PLCG2: variants seen among roughly 807,000 people sequenced by gnomAD.
PLCG2 encodes the protein phospholipase C gamma 2, also known as 1-phosphatidylinositol 4,5-bisphosphate phosphodiesterase gamma-2.
Under a neutral mutation model 175.6 loss-of-function variants are expected in PLCG2, and 69 were observed. The observed-to-expected ratio is 0.39, with a 90% CI of 0.32 to 0.48. The LOEUF (loss-of-function observed/expected upper bound fraction) is 0.48, where lower values mean the gene tolerates loss of function less well. Among genes scored for constraint, PLCG2 ranks in the 20% least tolerant of loss-of-function variants. PLCG2 has a pLI of 0.91. For synonymous variants in PLCG2, 827 were observed against 624.0 expected, an observed-to-expected ratio of 1.33 and a Z score of -4.85; for missense variants, 1,798 against 1,650.9, an observed-to-expected ratio of 1.09 and a Z score of -1.54.
At chr16:81,891,451 C>G in intron 10 of PLCG2, 21 bp from the exon 11 acceptor site, 8 of 1,295,688 alleles carry the variant, frequency 6.2e-6, no homozygotes, top group Non-Finnish European at 9.0e-6. Context: ...ATGATTCGGT[C>G]TTCGTGTTTG....
chr16:81,851,549 G>T (rs965005092), intron 2 of PLCG2, among the ~76,000 whole-genome samples: 2 of 152,100 alleles, frequency 1.3e-5, no homozygotes, highest in Non-Finnish European at 2.9e-5. Flanking sequence ...GTCTCACTCT[G>T]TCACCCAGGC....
intron 12 of PLCG2, among the ~76,000 whole-genome samples, chr16:81,895,388 G>T (rs1046847907): frequency 6.6e-6 from 1 of 152,142 alleles, no homozygotes; most frequent in Non-Finnish European, 1.5e-5. Context: ...GTGCAACCCT[G>T]TCTCTACTAA....
intron 10 of PLCG2, chr16:81,889,522 C>T (rs975042645): frequency 5.9e-6 from 2 of 338,776 alleles, no homozygotes. Context: ...TTGATCAAGG[C>T]AGGGGAATTG....
At chr16:81,943,926 T>C (rs1911052914) in intron 30 of PLCG2, among the ~76,000 whole-genome samples, 1 of 152,200 alleles carries the variant, frequency 6.6e-6, no homozygotes. Context: ...AATCAAAGGA[T>C]GGATGCTCTC....
At chr16:81,746,426 G>T (rs1265126861) in intron 1 of PLCG2, among the ~76,000 whole-genome samples, 2 of 152,204 alleles carry the variant, frequency 1.3e-5, no homozygotes, top group African/African-American at 4.8e-5. Flanking sequence ...AGTCGAAACG[G>T]CCGCTGGGGC....
intron 2 of PLCG2, among the ~76,000 whole-genome samples, chr16:81,837,178 A>C (rs1030497233): frequency 1.3e-5 from 2 of 152,268 alleles, no homozygotes; most frequent in African/African-American, 4.8e-5. Flanking sequence ...GAGAATACAT[A>C]TACATGCAGT....
intron 2 of PLCG2, among the ~76,000 whole-genome samples, chr16:81,850,332 C>A (rs565802969): frequency 2.0e-5 from 3 of 152,156 alleles, no homozygotes; most frequent in Non-Finnish European, 4.4e-5. Context: ...TAAAAGTACT[C>A]AAGCTTCCCC....
At chr16:81,772,311 G>A (rs1311015790) in intron 2 of PLCG2, among the ~76,000 whole-genome samples, 1 of 152,134 alleles carries the variant, frequency 6.6e-6, no homozygotes, top group South Asian at 2.1e-4. Context: ...CGGGAGAAAG[G>A]CGTGGGGCAG....
intron 2 of PLCG2, among the ~76,000 whole-genome samples, chr16:81,843,588 A>G (rs1346389703): frequency 6.6e-6 from 1 of 152,232 alleles, no homozygotes; most frequent in Non-Finnish European, 1.5e-5. Flanking sequence ...TACAGCAACA[A>G]ATGCCCAATT....
chr16:81,803,375 T>C (rs891451193), intron 2 of PLCG2, among the ~76,000 whole-genome samples: 4 of 152,094 alleles, frequency 2.6e-5, no homozygotes, highest in African/African-American at 9.7e-5. Context: ...TTCGTTCATA[T>C]TGTAGCATAT....
chr16:81,888,398 T>G (rs1908473607), intron 9 of PLCG2, among the ~76,000 whole-genome samples: 1 of 151,914 alleles, frequency 6.6e-6, no homozygotes, highest in Non-Finnish European at 1.5e-5. Flanking sequence ...AAAAAAATGT[T>G]TGTATTTTAG....
chr16:81,794,253 C>A (rs1451422522), intron 2 of PLCG2, among the ~76,000 whole-genome samples: 1 of 152,100 alleles, frequency 6.6e-6, no homozygotes, highest in Non-Finnish European at 1.5e-5. Context: ...TCCTGAAATC[C>A]ACTCTTGGAC....
At chr16:81,879,738 C>T (rs927889555) in intron 7 of PLCG2, among the ~76,000 whole-genome samples, 3 of 152,086 alleles carry the variant, frequency 2.0e-5, no homozygotes, top group South Asian at 2.1e-4. Flanking sequence ...CAGAAATGGA[C>T]AAGATGTGGG....
Position 81,910,700 on chromosome 16 carries a change from C to A in PLCG2, c.1914C>A (p.Pro638=). The part of the protein sequence containing the change: ...ELRLTDPVPN[P]NPHESKPWYY... ...GGCTCACGGACCCTGTGCCCAACCCCAACCCCCACGAGTCCAAGCCGTACG... is the reference window on the plus strand; with the variant it reads ...GGCTCACGGACCCTGTGCCCAACCCAAACCCCCACGAGTCCAAGCCGTACG... Residue 638 remains proline (P), a synonymous_variant, in exon 18 of 33, where the codon CCC becomes CCA. Coordinates refer to ENST00000564138, the MANE Select transcript of PLCG2 (RefSeq NM_002661.5). 6.2e-7 allele frequency: 1 copy of A among 1,610,626 alleles called. No homozygotes were observed. Among genetic ancestry groups the A allele is most frequent in the African/African-American group, 1.3e-5 (1 of 75,070 alleles).
At chr16:81,939,791 C>G in intron 29 of PLCG2, 101 bp from the exon 30 acceptor site, 1 of 744,780 alleles carries the variant, frequency 1.3e-6, no homozygotes, top group Non-Finnish European at 2.3e-6. Flanking sequence ...TATTTATTTA[C>G]ATGGTTGCTA....
chr16:81,834,430 C>G (rs1905408384), intron 2 of PLCG2, among the ~76,000 whole-genome samples: 1 of 152,132 alleles, frequency 6.6e-6, no homozygotes, highest in African/African-American at 2.4e-5. Flanking sequence ...GCTAGACTGG[C>G]AGGACTCAGA....
At chr16:81,864,771 C>T (rs1056752710) in intron 5 of PLCG2, among the ~76,000 whole-genome samples, 2 of 152,166 alleles carry the variant, frequency 1.3e-5, no homozygotes, top group African/African-American at 4.8e-5. Context: ...GGCTGCCATC[C>T]TTAATGGTTT....
chr16:81,936,293 A>T lies in PLCG2; in HGVS notation c.2967A>T (p.Gly989=). The change falls in exon 27 of 33, where the codon GGA becomes GGT. Residue 989 remains glycine (G), a synonymous_variant. Transcript: ENST00000564138. ...GCCTGACCCGCGTCTACCCAAAGGG[A>T]CAAAGAGTTGACTCTTCAAACTACG... ...QKGLTRVYPK[G]QRVDSSNYDP... 6.2e-7 allele frequency: 1 copy of T among 1,614,236 alleles called. No homozygotes were observed. Among genetic ancestry groups the T allele is most frequent in the African/African-American group, 1.3e-5 (1 of 75,060 alleles).
intron 2 of PLCG2, among the ~76,000 whole-genome samples, chr16:81,823,676 C>A (rs1314752132): frequency 6.7e-6 from 1 of 149,088 alleles, no homozygotes; most frequent in African/African-American, 2.5e-5. Flanking sequence ...CAGATGTGCA[C>A]CACCATGCCC....
Sources: gnomAD v4.1 joint callset for allele counts (sites outside exome capture counted in the v4.1 genomes callset) on GRCh38, gnomAD v4.1.1 for gene constraint, MANE v1.5 for transcripts, NCBI Gene and HGNC (gene_info 2026-07-23, HGNC 2026-07-21) for gene names.